EFHB: variants seen among roughly 807,000 people sequenced by gnomAD.
The protein encoded by EFHB is EF-hand domain-containing family member B.
EFHB carries 91 observed loss-of-function variants against 87.2 expected under a neutral mutation model. The ratio of observed to expected loss-of-function variants is 1.04; its 90% CI spans 0.88 to 1.24. EFHB has a LOEUF of 1.24. Among genes scored for constraint, EFHB ranks in the 50% most tolerant of loss-of-function variants. The pLI, the probability that EFHB is intolerant of heterozygous loss-of-function variation, is 0.00. For synonymous variants in EFHB, 325 were observed against 333.6 expected (o/e 0.97, Z 0.28); for missense variants, 1,084 against 998.8 (o/e 1.09, Z -1.15).
rs1405951656 is a variant in EFHB at position 19,933,521 on chromosome 3, T to A, written c.498A>T (p.Glu166Asp). 3 of 1,613,988 alleles carry A rather than the reference T, an allele frequency of 1.9e-6. No homozygotes were observed. In the South Asian group the frequency reaches 3.3e-5, roughly 18 times the overall value. Residue 166 changes from glutamate (E) to aspartate (D), a missense_variant, in exon 1 of 13, where the codon GAA becomes GAT. Physicochemically the swap from Glu to Asp is conservative, Grantham distance 45 (BLOSUM62 2). Transcript: ENST00000295824. ...ACTCTTTTTCCATTTCCTGTCTTGGTTCCATAACGAAAGCAGGCTTTCCCA... is the reference window on the plus strand; with the variant it reads ...ACTCTTTTTCCATTTCCTGTCTTGGATCCATAACGAAAGCAGGCTTTCCCA... ...ELVGKPAFVMEPRQEMEKEST... is the reference protein window; with the variant it reads ...ELVGKPAFVMDPRQEMEKEST...
At chr3:19,902,754 G>A (rs10084655) in intron 6 of EFHB, among the ~76,000 whole-genome samples, 71,750 of 152,094 alleles carry the variant, frequency 0.47, 18,516 homozygotes, top group African/African-American at 0.69. Context: ...TCAAAATGTA[G>A]ACTAACACTC....
chr3:19,898,823 G>A lies in EFHB; in HGVS notation c.1525C>T (p.Pro509Ser). 14 of 1,613,676 alleles carry A rather than the reference G, an allele frequency of 8.7e-6. No individual in the cohort carries two copies. Among genetic ancestry groups the A allele is most frequent in the Non-Finnish European group, 1.1e-5 (13 of 1,179,778 alleles). The change falls in exon 8 of 13, where the codon CCC (proline) becomes TCC (serine). Residue 509 changes from proline to serine, a missense_variant. By Grantham distance (74) the Pro-to-Ser change is moderately conservative (BLOSUM62 -1). Coordinates refer to ENST00000295824, the MANE Select transcript of EFHB (RefSeq NM_144715.4). Reference sequence around the variant, plus strand: ...CAAGCTCCAAATGTGCAGTCTGGGGGAACATTCATTGTTTCTGCAATGCTA... The same window carrying A: ...CAAGCTCCAAATGTGCAGTCTGGGGAAACATTCATTGTTTCTGCAATGCTA... ...LDPIAETMNV[P>S]PDCTFGACLR...
intron 1 of EFHB, among the ~76,000 whole-genome samples, chr3:19,921,344 A>C (rs1575036414): frequency 6.6e-6 from 1 of 152,106 alleles, no homozygotes; most frequent in South Asian, 2.1e-4. Context: ...ATCTCTAGGT[A>C]TAAAAGAGGA....
intron 6 of EFHB, 28 bp downstream of exon 6, chr3:19,905,592 T>C (rs775647860): frequency 6.2e-7 from 1 of 1,601,948 alleles, no homozygotes; most frequent in Non-Finnish European, 8.5e-7. Context: ...CTAACACTTG[T>C]TCCTGGGCAC....
chr3:19,919,987 T>C lies in EFHB; in HGVS notation c.853-11A>G. On this transcript the variant is annotated splice_polypyrimidine_tract_variant and intron_variant, in intron 2 of 12. Coordinates refer to ENST00000295824, the MANE Select transcript of EFHB (RefSeq NM_144715.4). Reference sequence around the variant, plus strand: ...AGGTGGAGTAATTAGCTACAAAGAGTGAGGCAAGAAAATAGTATTAAGTAC... The same window carrying C: ...AGGTGGAGTAATTAGCTACAAAGAGCGAGGCAAGAAAATAGTATTAAGTAC... The C allele has an allele frequency of 1.2e-6, 2 of 1,613,112 alleles. No homozygotes were observed. The highest frequency in any genetic ancestry group is 1.7e-6 in the Non-Finnish European group (2 of 1,179,550).
chr3:19,936,131 A>T, upstream of EFHB: 1 of 1,497,950 alleles, frequency 6.7e-7, no homozygotes. Flanking sequence ...GTCTGGACAT[A>T]GTCACTCACC....
chr3:19,936,121 G>C (rs115756823), upstream of EFHB: 1 of 1,480,484 alleles, frequency 6.8e-7, no homozygotes, highest in African/African-American at 1.4e-5. Context: ...GTGTGTAGGG[G>C]TCTGGACATA....
At chr3:19,905,478 C>T (rs895149620) in intron 6 of EFHB, 142 bp downstream of exon 6, 3 of 928,114 alleles carry the variant, frequency 3.2e-6, no homozygotes, top group Non-Finnish European at 4.8e-6. Context: ...ATACATTACA[C>T]TGTTTTTTCT....
intron 1 of EFHB, 100 bp from the exon 2 acceptor site, chr3:19,920,667 A>G (rs1695408368): frequency 8.9e-6 from 8 of 901,548 alleles, no homozygotes; most frequent in African/African-American, 1.7e-5. Context: ...CTGAGGCTAC[A>G]AAGTTACTTT....
upstream of EFHB, among the ~76,000 whole-genome samples, chr3:19,937,942 C>T (rs574265802): frequency 6.6e-6 from 1 of 152,176 alleles, no homozygotes; most frequent in African/African-American, 2.4e-5. Flanking sequence ...GCCTGACAGT[C>T]CCTTGACTCA....
chr3:19,925,405 T>C (rs1268448261), intron 1 of EFHB, among the ~76,000 whole-genome samples: 1 of 152,168 alleles, frequency 6.6e-6, no homozygotes, highest in Non-Finnish European at 1.5e-5. Flanking sequence ...TATGAATACC[T>C]CTAATCACAA....
chr3:19,900,250 CA>C (rs1294997016), intron 6 of EFHB, among the ~76,000 whole-genome samples: 1 of 149,920 alleles, frequency 6.7e-6, no homozygotes, highest in Non-Finnish European at 1.5e-5. Flanking sequence ...CCCATCTCTA[CA>C]AAAAATGAAA....
rs1010870487 is a variant in EFHB, at chr3:19,928,180, A to T, written c.789+5050T>A. On this transcript the variant is annotated intron_variant, in intron 1 of 12. Transcript: ENST00000295824. ...TCAAATCCAGGGATATATTATGAAC[A>T]TAATATATCACAAGGAGGGCTTAGG... is the stretch of plus-strand genomic sequence containing the variant. 2.6e-5 allele frequency among the ~76,000 whole-genome samples: 4 copies of T among 152,032 alleles called. No homozygotes were observed. The South Asian group carries it at 6.2e-4, about 24-fold the overall frequency.
At chr3:19,896,407 A>G in intron 9 of EFHB, 1 of 454,406 alleles carries the variant, frequency 2.2e-6, no homozygotes. Context: ...GGGGTCAGCA[A>G]ATGTCTTCTG....
At chr3:19,911,063 G>A (rs2886101) in intron 5 of EFHB, among the ~76,000 whole-genome samples, 119,614 of 152,150 alleles carry the variant, frequency 0.79, 48,145 homozygotes, top group African/African-American at 0.91. Flanking sequence ...ACAAGCATCA[G>A]CACCATCTAG....
chr3:19,938,818 G>A (rs555335123), upstream of EFHB, among the ~76,000 whole-genome samples: 9 of 152,232 alleles, frequency 5.9e-5, no homozygotes, highest in African/African-American at 1.2e-4. Context: ...TATCCCTGAC[G>A]CTTGCCACCT....
chr3:19,941,249 G>T, intron 1 of EFHB: 1 of 300,098 alleles, frequency 3.3e-6, no homozygotes, highest in South Asian at 4.7e-5. Flanking sequence ...AGGTGTCACA[G>T]AACAGGTCAG....
intron 5 of EFHB, among the ~76,000 whole-genome samples, chr3:19,913,669 T>A (rs1695133777): frequency 6.6e-6 from 1 of 152,110 alleles, no homozygotes; most frequent in Non-Finnish European, 1.5e-5. Context: ...ACCAATGACA[T>A]CCTTCACACA....
chr3:19,891,662 C>T (rs1326457139), intron 9 of EFHB, among the ~76,000 whole-genome samples: 1 of 152,174 alleles, frequency 6.6e-6, no homozygotes, highest in Non-Finnish European at 1.5e-5. Flanking sequence ...AAAGACACCC[C>T]TTTAAGGGAC....
Sources: allele counts gnomAD v4.1 joint callset (sites outside exome capture counted in the v4.1 genomes callset), GRCh38; gene constraint gnomAD v4.1.1; transcripts MANE v1.5; gene names NCBI Gene and HGNC (gene_info 2026-07-23, HGNC 2026-07-21).